Variants in CNTNAP5 observed in about 807,000 individuals in gnomAD.
CNTNAP5 encodes contactin associated protein family member 5.
CNTNAP5 carries 72 observed loss-of-function variants against 150.2 expected under a neutral mutation model. That is an observed-to-expected ratio of 0.48 (90% CI 0.40 to 0.58). The LOEUF is 0.58. CNTNAP5 is among the 20% of genes least tolerant of loss of function. The pLI, the probability that CNTNAP5 is intolerant of heterozygous loss-of-function variation, is 0.00. For synonymous variants in CNTNAP5, 672 were observed against 619.8 expected (o/e 1.08, Z -1.25); for missense variants, 1,636 against 1,626.2 (o/e 1.01, Z -0.10).
At chr2:124,427,068 C>A (rs1448743918) in intron 4 of CNTNAP5, among the ~76,000 whole-genome samples, 1 of 151,758 alleles carries the variant, frequency 6.6e-6, no homozygotes, top group African/African-American at 2.4e-5. Context: ...TCTTAAAAAT[C>A]GATTTTGAAA....
chr2:124,770,388 G>T (rs1414527056), intron 16 of CNTNAP5, among the ~76,000 whole-genome samples: 1 of 152,110 alleles, frequency 6.6e-6, no homozygotes, highest in African/African-American at 2.4e-5. Flanking sequence ...GGCAAGGCTA[G>T]TCACAGCCAG....
chr2:124,214,233 C>T (rs541382371), intron 1 of CNTNAP5, among the ~76,000 whole-genome samples: 3 of 152,084 alleles, frequency 2.0e-5, no homozygotes, highest in Non-Finnish European at 4.4e-5. Context: ...AGGATGATGT[C>T]CTCCCACCAA....
intron 12 of CNTNAP5, among the ~76,000 whole-genome samples, chr2:124,621,765 A>G (rs886604147): frequency 2.0e-5 from 3 of 152,172 alleles, no homozygotes; most frequent in Non-Finnish European, 4.4e-5. Context: ...GATCCATGAC[A>G]TAAAATGGGA....
At chr2:124,090,927 T>C (rs1056301563) in intron 1 of CNTNAP5, among the ~76,000 whole-genome samples, 11 of 152,152 alleles carry the variant, frequency 7.2e-5, no homozygotes, top group African/African-American at 2.7e-4. Flanking sequence ...ATTAAGCCCA[T>C]TGAGCTAAAT....
chr2:124,244,401 G>T (rs1377782306), intron 3 of CNTNAP5, among the ~76,000 whole-genome samples: 1 of 152,098 alleles, frequency 6.6e-6, no homozygotes, highest in Non-Finnish European at 1.5e-5. Context: ...TGAATTGAAG[G>T]GTGGGGGCAG....
At chr2:124,312,849 C>T (rs10171923) in intron 3 of CNTNAP5, among the ~76,000 whole-genome samples, 1,902 of 152,302 alleles carry the variant, frequency 0.012, 40 homozygotes, top group African/African-American at 0.041. Context: ...GGATTACAGG[C>T]GTGAGCCACC....
intron 21 of CNTNAP5, among the ~76,000 whole-genome samples, chr2:124,871,331 G>A (rs551727291): frequency 7.2e-6 from 1 of 139,520 alleles, no homozygotes; most frequent in South Asian, 2.1e-4. Flanking sequence ...TTTAATCTTG[G>A]AAGATAATTT....
chr2:124,605,162 C>T (rs964302160), intron 11 of CNTNAP5, among the ~76,000 whole-genome samples: 2 of 152,216 alleles, frequency 1.3e-5, no homozygotes, highest in African/African-American at 2.4e-5. Context: ...CTTACCACCA[C>T]CCAGCCTGGC....
intron 13 of CNTNAP5, among the ~76,000 whole-genome samples, chr2:124,658,144 G>A (rs1354356940): frequency 6.6e-6 from 1 of 152,172 alleles, no homozygotes; most frequent in Non-Finnish European, 1.5e-5. Flanking sequence ...GTCATATGAT[G>A]TCAAAGGACA....
intron 3 of CNTNAP5, among the ~76,000 whole-genome samples, chr2:124,396,021 T>A (rs1691234318): frequency 6.6e-6 from 1 of 152,182 alleles, no homozygotes; most frequent in South Asian, 2.1e-4. Flanking sequence ...CAAGACTGCA[T>A]GTAATGTGTC....
intron 19 of CNTNAP5, among the ~76,000 whole-genome samples, chr2:124,824,260 C>T (rs1258470945): frequency 6.6e-6 from 1 of 152,058 alleles, no homozygotes; most frequent in Non-Finnish European, 1.5e-5. Flanking sequence ...TTCCCAAAGC[C>T]ATCTGGGGAG....
At chr2:124,354,960 T>G (rs1339176817) in intron 3 of CNTNAP5, among the ~76,000 whole-genome samples, 1 of 152,052 alleles carries the variant, frequency 6.6e-6, no homozygotes, top group African/African-American at 2.4e-5. Flanking sequence ...AGATGACTCT[T>G]GAACCATGAG....
At chr2:124,029,042 A>C (rs1026634463) in intron 1 of CNTNAP5, among the ~76,000 whole-genome samples, 1 of 152,108 alleles carries the variant, frequency 6.6e-6, no homozygotes, top group Non-Finnish European at 1.5e-5. Context: ...AAGAGCTTTA[A>C]TTTTGAGCAA....
rs1045739692 is a variant in CNTNAP5, at chr2:124,456,267, C to T, written c.918+9330C>T. Among the ~76,000 whole-genome samples, 26 of 152,134 alleles carry T rather than the reference C, an allele frequency of 1.7e-4. No individual in the cohort carries two copies. The South Asian group carries it at 4.2e-3, about 24-fold the overall frequency. The stretch of plus-strand genomic sequence containing the variant: ...CTCTTCTGTACACCAACAGCGACAA[C>T]GCTGAGAATGAAATCAAGAACTCAG... On this transcript the variant is annotated intron_variant, in intron 6 of 23. Transcript: ENST00000682447.
chr2:124,562,884 A>G (rs541570535), intron 10 of CNTNAP5, among the ~76,000 whole-genome samples: 1 of 152,272 alleles, frequency 6.6e-6, no homozygotes, highest in African/African-American at 2.4e-5. Flanking sequence ...TATACATTTT[A>G]TTTTTTAGTA....
intron 7 of CNTNAP5, among the ~76,000 whole-genome samples, chr2:124,486,687 T>C (rs1384667056): frequency 6.6e-6 from 1 of 152,218 alleles, no homozygotes; most frequent in Admixed American, 6.5e-5. Context: ...TACCAGCATG[T>C]CTCACAAATG....
In CNTNAP5 at chr2:124,524,321, G is replaced by A; in HGVS notation, c.1346G>A (p.Gly449Asp). 6.2e-7 allele frequency: 1 copy of A among 1,613,716 alleles called. No individual in the cohort carries two copies. The change falls in exon 9 of 24, where the codon GGC (glycine) becomes GAC (aspartate). Residue 449 changes from glycine (G) to aspartate (D), a missense_variant. Physicochemically the swap from Gly to Asp is moderately conservative, Grantham distance 94. Coordinates refer to ENST00000682447, the MANE Select transcript of CNTNAP5 (RefSeq NM_001367498.1). ...EILTGSNLND[G>D]LWHSVSINAR... ...CTTGCAGGCAGCAACTTGAATGATG[G>A]CCTGTGGCACTCGGTTAGCATCAAC...
chr2:124,097,705 G>A (rs897220033), intron 1 of CNTNAP5, among the ~76,000 whole-genome samples: 3 of 152,150 alleles, frequency 2.0e-5, no homozygotes. Flanking sequence ...TTGGGGGACT[G>A]CCCCAACCCG....
intron 21 of CNTNAP5, among the ~76,000 whole-genome samples, chr2:124,890,768 G>T (rs980589987): frequency 6.6e-6 from 1 of 152,080 alleles, no homozygotes; most frequent in Non-Finnish European, 1.5e-5. Flanking sequence ...GGTTGAAGGA[G>T]TAATAAAAAG....
Sources: gnomAD v4.1 joint callset for allele counts (sites outside exome capture counted in the v4.1 genomes callset) on GRCh38, gnomAD v4.1.1 for gene constraint, MANE v1.5 for transcripts, NCBI Gene and HGNC (gene_info 2026-07-23, HGNC 2026-07-21) for gene names.